The following FAM171A1 variants were observed in gnomAD, a reference collection of about 807,000 sequenced individuals.
The protein encoded by FAM171A1 is family with sequence similarity 171 member A1.
A neutral mutation model predicts 74.9 loss-of-function variants in FAM171A1; 23 were observed. That is an observed-to-expected ratio of 0.31 (90% CI 0.22 to 0.44). FAM171A1 has a LOEUF of 0.44. Among genes scored for constraint, FAM171A1 ranks in the 20% least tolerant of loss-of-function variants. FAM171A1 has a pLI of 1.00. For synonymous variants in FAM171A1, 527 were observed against 505.7 expected (o/e 1.04, Z -0.57); for missense variants, 1,162 against 1,159.2 (o/e 1.00, Z -0.03).
intron 6 of FAM171A1, 69 bp downstream of exon 6, chr10:15,220,875 T>C (rs1162478043): frequency 6.1e-6 from 7 of 1,141,392 alleles, no homozygotes; most frequent in Non-Finnish European, 7.7e-6. Context: ...TTCAAGAGCA[T>C]ACTTAGCCTG....
intron 5 of FAM171A1, among the ~76,000 whole-genome samples, chr10:15,247,250 G>A (rs1389225972): frequency 6.6e-6 from 1 of 152,208 alleles, no homozygotes; most frequent in Admixed American, 6.5e-5. Flanking sequence ...CTGTACAAAT[G>A]TATTTTTATG....
At chr10:15,352,163 T>A (rs1440974462) in intron 1 of FAM171A1, among the ~76,000 whole-genome samples, 1 of 151,644 alleles carries the variant, frequency 6.6e-6, no homozygotes, top group East Asian at 1.9e-4. Context: ...TGTTTGAACC[T>A]GGGAGGTGGA....
intron 1 of FAM171A1, among the ~76,000 whole-genome samples, chr10:15,325,969 A>G (rs12260683): frequency 0.018 from 2,683 of 152,338 alleles, 73 homozygotes; most frequent in East Asian, 0.088. Context: ...TCAACCCAGT[A>G]CAGATTAAAC....
At chr10:15,335,779 T>A (rs1478789879) in intron 1 of FAM171A1, among the ~76,000 whole-genome samples, 1 of 152,232 alleles carries the variant, frequency 6.6e-6, no homozygotes, top group East Asian at 1.9e-4. Context: ...ACTTTATCTT[T>A]GTTTCCATGA....
intron 1 of FAM171A1, among the ~76,000 whole-genome samples, chr10:15,288,874 G>A (rs1835071194): frequency 7.5e-6 from 1 of 132,488 alleles, no homozygotes; most frequent in Admixed American, 8.7e-5. Context: ...CCAGGCTGGA[G>A]TGCAATGGCA....
At position 15,251,283 on chromosome 10, in the gene FAM171A1, G is replaced by A. The variant is rs371245569; in HGVS notation, c.578-2468C>T. On this transcript the variant is annotated intron_variant, in intron 4 of 7. Coordinates refer to ENST00000378116, the MANE Select transcript of FAM171A1 (RefSeq NM_001010924.2). ...CTCTAGCTGTCTTAAGACATTGTGG[G>A]GAATTATATCTGCCTTCTTGAGGCC... 1.1e-4 allele frequency among the ~76,000 whole-genome samples: 16 copies of A among 152,248 alleles called. 1 individual carries two copies. In the East Asian group the frequency reaches 1.5e-3, roughly 15 times the overall value.
chr10:15,288,805 C>T (rs917160800), intron 1 of FAM171A1, among the ~76,000 whole-genome samples: 63 of 123,782 alleles, frequency 5.1e-4, no homozygotes, highest in African/African-American at 1.7e-3. Flanking sequence ...CAGTATGATT[C>T]GGTAATTCTT....
chr10:15,277,442 T>G (rs1834908597), intron 2 of FAM171A1, among the ~76,000 whole-genome samples: 1 of 152,226 alleles, frequency 6.6e-6, no homozygotes, highest in African/African-American at 2.4e-5. Context: ...CAGGCTGGTT[T>G]CAAACTCCTG....
intron 5 of FAM171A1, 110 bp downstream of exon 5, chr10:15,248,529 A>T: frequency 8.6e-7 from 1 of 1,169,356 alleles, no homozygotes; most frequent in Non-Finnish European, 1.2e-6. Context: ...TGTGAGCAGC[A>T]GCATTCACTG....
At chr10:15,325,345 G>A (rs185462388) in intron 1 of FAM171A1, among the ~76,000 whole-genome samples, 4 of 152,058 alleles carry the variant, frequency 2.6e-5, no homozygotes, top group East Asian at 1.9e-4. Context: ...TCGTCTCTAC[G>A]AAAAATACAA....
intron 1 of FAM171A1, among the ~76,000 whole-genome samples, chr10:15,312,119 T>C (rs905488158): frequency 2.0e-5 from 3 of 152,212 alleles, no homozygotes; most frequent in African/African-American, 7.2e-5. Context: ...CTTCCTATTA[T>C]ACCAAAGCTG....
intron 2 of FAM171A1, among the ~76,000 whole-genome samples, chr10:15,279,719 A>C (rs1834942320): frequency 6.6e-6 from 1 of 152,116 alleles, no homozygotes; most frequent in Non-Finnish European, 1.5e-5. Flanking sequence ...AGAGATCAAG[A>C]TTATCCTGGC....
At chr10:15,254,652 T>C in intron 4 of FAM171A1, 69 bp downstream of exon 4, 3 of 1,539,496 alleles carry the variant, frequency 1.9e-6, no homozygotes, top group Non-Finnish European at 2.7e-6. Flanking sequence ...CTCCCAATCA[T>C]ACCTAAAATC....
chr10:15,250,822 A>T (rs1009425765), intron 4 of FAM171A1, among the ~76,000 whole-genome samples: 2 of 152,236 alleles, frequency 1.3e-5, no homozygotes, highest in Non-Finnish European at 2.9e-5. Context: ...TAGACTGTAT[A>T]AACAACTGAG....
intron 5 of FAM171A1, among the ~76,000 whole-genome samples, chr10:15,228,221 T>C (rs1028819153): frequency 5.3e-5 from 8 of 152,112 alleles, no homozygotes; most frequent in Non-Finnish European, 1.5e-5. Context: ...ACAGACCTGA[T>C]ATTACAAGCA....
chr10:15,287,532 C>T (rs1047504683), intron 1 of FAM171A1, among the ~76,000 whole-genome samples: 11 of 151,926 alleles, frequency 7.2e-5, no homozygotes, highest in Non-Finnish European at 1.6e-4. Flanking sequence ...GGACTACAGG[C>T]GCCTGCCACC....
intron 3 of FAM171A1, among the ~76,000 whole-genome samples, chr10:15,269,678 T>A (rs1352215144): frequency 6.6e-6 from 1 of 152,160 alleles, no homozygotes. Flanking sequence ...TGTCCACTTG[T>A]AAGTGAGGCA....
chr10:15,294,642 T>C (rs1277995623), intron 1 of FAM171A1, among the ~76,000 whole-genome samples: 2 of 152,212 alleles, frequency 1.3e-5, no homozygotes, highest in Admixed American at 6.5e-5. Context: ...ATCTGCTTTG[T>C]GGGTAGAAAA....
At chr10:15,239,967 T>C (rs1834343407) in intron 5 of FAM171A1, among the ~76,000 whole-genome samples, 1 of 152,254 alleles carries the variant, frequency 6.6e-6, no homozygotes, top group African/African-American at 2.4e-5. Context: ...TTGAGTATCA[T>C]GATGGACCTT....
Sources: allele counts gnomAD v4.1 joint callset (sites outside exome capture counted in the v4.1 genomes callset), GRCh38; gene constraint gnomAD v4.1.1; transcripts MANE v1.5; gene names NCBI Gene and HGNC (gene_info 2026-07-23, HGNC 2026-07-21).